ADAMTS19: variants seen among roughly 807,000 people sequenced by gnomAD.
ADAMTS19 encodes the protein A disintegrin and metalloproteinase with thrombospondin motifs 19.
ADAMTS19 carries 93 observed loss-of-function variants against 153.3 expected under a neutral mutation model. That is an observed-to-expected ratio of 0.61 (90% confidence interval 0.51 to 0.72). ADAMTS19 has a LOEUF of 0.72. ADAMTS19 is among the 30% of genes least tolerant of loss of function. The pLI is 0.00. For missense variants in ADAMTS19, 1,482 were observed against 1,552.1 expected, an observed-to-expected ratio of 0.95 and a Z score of 0.76; for synonymous variants, 600 against 556.6, an observed-to-expected ratio of 1.08 and a Z score of -1.10.
rs532947504 is a variant in ADAMTS19, at chr5:129,552,305, C to T, written c.1372+398C>T. On this transcript the variant is annotated intron_variant, in intron 7 of 22. Transcript: ENST00000274487. ...GCTTAAAGACCTTCGCAGACTGTGTCGAAATAAACTGCTAGATTCAGTATG... is the reference window on the plus strand; with the variant it reads ...GCTTAAAGACCTTCGCAGACTGTGTTGAAATAAACTGCTAGATTCAGTATG... Among the ~76,000 whole-genome samples, 8 of 151,696 alleles carry T rather than the reference C, an allele frequency of 5.3e-5. No individual in the cohort carries two copies. In the South Asian group the frequency reaches 1.0e-3, roughly 20 times the overall value.
intron 21 of ADAMTS19, among the ~76,000 whole-genome samples, chr5:129,720,174 A>ATATATATATATATATATATATATAT (rs1463139553): frequency 8.8e-6 from 1 of 113,328 alleles, no homozygotes; most frequent in African/African-American, 4.8e-5. Flanking sequence ...ATATATATTT[A>ATATATATATATATATATATATATAT]TTTTTTTTTT....
intron 7 of ADAMTS19, among the ~76,000 whole-genome samples, chr5:129,594,181 T>C (rs1227872030): frequency 1.3e-5 from 2 of 152,096 alleles, no homozygotes; most frequent in African/African-American, 4.8e-5. Flanking sequence ...TTAGAAGAAA[T>C]AAGAATTAGA....
chr5:129,535,821 C>T (rs1026430502), intron 6 of ADAMTS19, among the ~76,000 whole-genome samples: 3 of 152,156 alleles, frequency 2.0e-5, no homozygotes, highest in Non-Finnish European at 4.4e-5. Context: ...AAAGGATTCC[C>T]TATTTAATAA....
At chr5:129,712,100 C>T (rs1028405668) in intron 21 of ADAMTS19, among the ~76,000 whole-genome samples, 11 of 151,840 alleles carry the variant, frequency 7.2e-5, no homozygotes, top group Non-Finnish European at 1.3e-4. Flanking sequence ...GCATTTTATT[C>T]AAAATTGGTT....
At chr5:129,510,564 A>G (rs1354331306) in intron 3 of ADAMTS19, among the ~76,000 whole-genome samples, 1 of 151,846 alleles carries the variant, frequency 6.6e-6, no homozygotes, top group Non-Finnish European at 1.5e-5. Context: ...ACGAACAAGC[A>G]AAAGAAAAGC....
chr5:129,622,007 ATTAT>A (rs541054065), intron 9 of ADAMTS19, among the ~76,000 whole-genome samples, 187 bp from the exon 10 acceptor site: 98 of 152,310 alleles, frequency 6.4e-4, no homozygotes, highest in African/African-American at 1.5e-3. Flanking sequence ...TAACTTGAAA[ATTAT>A]TTATTACGAT....
chr5:129,537,385 A>G (rs150641946), intron 6 of ADAMTS19, among the ~76,000 whole-genome samples: 6,516 of 152,278 alleles, frequency 0.043, 167 homozygotes, highest in African/African-American at 0.064. Context: ...TCAGGGATCT[A>G]GAACTACAAA....
intron 7 of ADAMTS19, among the ~76,000 whole-genome samples, chr5:129,577,237 G>T (rs1344457238): frequency 6.6e-6 from 1 of 152,060 alleles, no homozygotes. Flanking sequence ...TACACTGTAC[G>T]AAACATACCT....
intron 1 of ADAMTS19, chr5:129,460,766 G>A (rs566437504): frequency 3.6e-6 from 2 of 560,468 alleles, no homozygotes; most frequent in African/African-American, 3.8e-5. Context: ...ACGTACCTAA[G>A]TTGATAGCAA....
At chr5:129,514,751 G>C (rs1383756548) in intron 3 of ADAMTS19, among the ~76,000 whole-genome samples, 1 of 151,816 alleles carries the variant, frequency 6.6e-6, no homozygotes, top group Non-Finnish European at 1.5e-5. Context: ...TCTCCACTTT[G>C]TTAATTGTAT....
intron 10 of ADAMTS19, among the ~76,000 whole-genome samples, chr5:129,630,484 C>T (rs1475341249): frequency 1.3e-5 from 2 of 151,958 alleles, no homozygotes; most frequent in Non-Finnish European, 2.9e-5. Context: ...TTGATTTCAA[C>T]AAAAGTAACA....
chr5:129,664,522 C>T (rs1753950715), intron 15 of ADAMTS19, among the ~76,000 whole-genome samples: 1 of 152,032 alleles, frequency 6.6e-6, no homozygotes, highest in Non-Finnish European at 1.5e-5. Flanking sequence ...GCACATGCCA[C>T]TAATTCCAGC....
intron 3 of ADAMTS19, among the ~76,000 whole-genome samples, chr5:129,521,692 T>C (rs2126750088): frequency 6.6e-6 from 1 of 152,230 alleles, no homozygotes; most frequent in East Asian, 1.9e-4. Context: ...GAGCAAGCAA[T>C]TTTCTTTAAA....
chr5:129,594,948 C>T (rs545099278), intron 7 of ADAMTS19, among the ~76,000 whole-genome samples: 1 of 152,112 alleles, frequency 6.6e-6, no homozygotes, highest in African/African-American at 2.4e-5. Context: ...GTCCACCTAA[C>T]CACCCATTCA....
At chr5:129,658,322 A>G (rs1407937806) in intron 14 of ADAMTS19, among the ~76,000 whole-genome samples, 2 of 86,990 alleles carry the variant, frequency 2.3e-5, no homozygotes, top group African/African-American at 8.5e-5. Flanking sequence ...AGAAAGAAAG[A>G]AAGAAAGAAA....
At chr5:129,586,064 C>T (rs183517681) in intron 7 of ADAMTS19, among the ~76,000 whole-genome samples, 29 of 152,164 alleles carry the variant, frequency 1.9e-4, no homozygotes, top group African/African-American at 6.3e-4. Flanking sequence ...GTGTAAGGTA[C>T]AGAGGTTTCT....
chr5:129,717,264 A>T (rs1485776382), intron 21 of ADAMTS19, among the ~76,000 whole-genome samples: 12 of 152,222 alleles, frequency 7.9e-5, no homozygotes, highest in East Asian at 1.9e-4. Flanking sequence ...AAAAAAATTT[A>T]AAAAGTATTA....
chr5:129,489,420 C>T (rs1160855366), intron 2 of ADAMTS19, among the ~76,000 whole-genome samples: 1 of 152,098 alleles, frequency 6.6e-6, no homozygotes, highest in Non-Finnish European at 1.5e-5. Context: ...GCCACATCTT[C>T]TTCCTTTCCC....
At chr5:129,545,357 C>T (rs1248772257) in intron 6 of ADAMTS19, among the ~76,000 whole-genome samples, 1 of 152,050 alleles carries the variant, frequency 6.6e-6, no homozygotes, top group Non-Finnish European at 1.5e-5. Flanking sequence ...GAGGGATTCT[C>T]CCAGCAGGCT....
Sources: allele counts gnomAD v4.1 joint callset (sites outside exome capture counted in the v4.1 genomes callset), GRCh38; gene constraint gnomAD v4.1.1; transcripts MANE v1.5; gene names NCBI Gene and HGNC (gene_info 2026-07-23, HGNC 2026-07-21).